The following HPD variants were observed in gnomAD, a reference collection of about 807,000 sequenced individuals.
The protein encoded by HPD is 4-hydroxyphenylpyruvic acid oxidase.
In HPD, 35 loss-of-function variants were observed where a neutral mutation model predicts 56.9. That is an observed-to-expected ratio of 0.62 (90% CI 0.47 to 0.82). HPD has a LOEUF of 0.82. Among genes scored for constraint, HPD ranks in the 40% least tolerant of loss-of-function variants. The probability of loss-of-function intolerance (pLI) is 0.00; values close to 1 mark genes in which losing one functional copy is unlikely to be tolerated. For missense variants in HPD, 442 were observed against 506.8 expected (o/e 0.87, Z 1.23); for synonymous variants, 186 against 200.2 (o/e 0.93, Z 0.60).
the HPD span, chr12:121,874,068 C>T: frequency 6.6e-6 from 1 of 152,262 alleles, no homozygotes; most frequent in African/African-American, 2.4e-5. Context: ...ATGACAGCTC[C>T]CTTATGACTT....
At chr12:121,846,804 A>C in intron 11 of HPD, 58 bp downstream of exon 11, 1 of 1,552,884 alleles carries the variant, frequency 6.4e-7, no homozygotes, top group Non-Finnish European at 8.9e-7. Context: ...TCAATTTTGC[A>C]GAGATCGTCC....
At chr12:121,853,187 C>T (rs920856456) in intron 7 of HPD, among the ~76,000 whole-genome samples, 3 of 151,676 alleles carry the variant, frequency 2.0e-5, no homozygotes, top group Admixed American at 6.6e-5. Context: ...TGGGGGAGGT[C>T]GGGGAGGGAG....
the HPD span, among the ~76,000 whole-genome samples, chr12:121,879,128 T>C: frequency 6.6e-6 from 1 of 151,830 alleles, no homozygotes. Flanking sequence ...CTACTAAAAA[T>C]ACAAAAATTA....
At chr12:121,879,354 A>G in the HPD span, among the ~76,000 whole-genome samples, 1 of 152,122 alleles carries the variant, frequency 6.6e-6, no homozygotes, top group East Asian at 1.9e-4. Context: ...GAAAATACAC[A>G]TAATTAAGAG....
At chr12:121,888,149 G>T in the HPD span, among the ~76,000 whole-genome samples, 3 of 152,132 alleles carry the variant, frequency 2.0e-5, no homozygotes, top group African/African-American at 7.2e-5. Flanking sequence ...CACTGTTACC[G>T]TTATTATTAT....
chr12:121,858,874 G>C (rs755963537), upstream of HPD: 1 of 1,611,490 alleles, frequency 6.2e-7, no homozygotes, highest in East Asian at 2.2e-5. Context: ...GGGGAGTGCT[G>C]GGCCGGAGTA....
intron 12 of HPD, among the ~76,000 whole-genome samples, chr12:121,842,741 C>CTTTTTTTTTTTTTTTT (rs34879391): frequency 1.3e-5 from 1 of 76,246 alleles, no homozygotes; most frequent in Non-Finnish European, 2.5e-5. Flanking sequence ...TAAAATGGAT[C>CTTTTTTTTTTTTTTTT]TTTTTTTTTT....
intron 12 of HPD, among the ~76,000 whole-genome samples, chr12:121,842,555 A>T (rs1877440658): frequency 6.6e-6 from 1 of 151,878 alleles, no homozygotes; most frequent in Non-Finnish European, 1.5e-5. Flanking sequence ...CCTCCCCAGT[A>T]GCTGGGACCA....
intron 7 of HPD, among the ~76,000 whole-genome samples, chr12:121,851,264 T>C (rs1877761764): frequency 6.6e-6 from 1 of 152,230 alleles, no homozygotes; most frequent in African/African-American, 2.4e-5. Context: ...TCCACCCACC[T>C]TGGCCTCCCA....
chr12:121,884,892 CTCTT>C, the HPD span, among the ~76,000 whole-genome samples: 5 of 151,958 alleles, frequency 3.3e-5, no homozygotes, highest in African/African-American at 7.2e-5. Flanking sequence ...AAATATATAT[CTCTT>C]TCTTTTTCTT....
At position 121,858,677 on chromosome 12, in the gene HPD, G is replaced by T. The variant is rs777361065; in HGVS notation, c.30+10C>A. 1.2e-6 allele frequency: 2 copies of T among 1,613,456 alleles called. No homozygotes were observed. Among genetic ancestry groups the T allele is most frequent in the African/African-American group, 1.3e-5 (1 of 74,832 alleles). On this transcript the variant is annotated intron_variant, in intron 2 of 13. Coordinates refer to ENST00000289004, the MANE Select transcript of HPD (RefSeq NM_002150.3). ...CAGGCCCCTACATTTCCCACATTTC[G>T]CCTGCTTACCTTTGCCCCTTTGTCA...
rs372672594 is a variant in HPD, at chr12:121,839,824, G to A, written c.1086C>T (p.Gly362=). ...QRHNHQGFGA[G]NFNSLFKAFE... is the part of the protein sequence containing the mutation. ...AAGCCTTGAACAGTGAGTTGAAGTTGCCGGCTCCAAAACCCTGTGGCGGGA... is the reference window on the plus strand; with the variant it reads ...AAGCCTTGAACAGTGAGTTGAAGTTACCGGCTCCAAAACCCTGTGGCGGGA... The change falls in exon 14 of 14, where the codon GGC becomes GGT. Residue 362 remains glycine (G), a synonymous_variant. Transcript: ENST00000289004. 6.2e-7 allele frequency: 1 copy of A among 1,614,138 alleles called. No homozygotes were observed. The highest frequency in any genetic ancestry group is 8.5e-7 in the Non-Finnish European group (1 of 1,179,966).
chr12:121,842,091 G>A (rs1877427286), intron 12 of HPD, among the ~76,000 whole-genome samples: 1 of 151,832 alleles, frequency 6.6e-6, no homozygotes, highest in Admixed American at 6.6e-5. Context: ...AACAGAGGGG[G>A]TTGGGAGGTG....
intron 7 of HPD, among the ~76,000 whole-genome samples, chr12:121,851,687 A>ATTATTTTTTTTTTTTT (rs1877778845): frequency 2.2e-5 from 2 of 92,400 alleles, no homozygotes; most frequent in African/African-American, 8.6e-5. Flanking sequence ...TTATTCATTT[A>ATTATTTTTTTTTTTTT]TTTATTTATT....
chr12:121,850,205 A>C (rs754108209), intron 7 of HPD, among the ~76,000 whole-genome samples: 72 of 152,048 alleles, frequency 4.7e-4, no homozygotes, highest in Admixed American at 9.2e-4. Context: ...GTGGATCATG[A>C]GGTCAGGAGA....
rs1300863302 is a variant in HPD at position 121,847,190 on chromosome 12, G to A, written c.621C>T (p.His207=). 6.2e-7 allele frequency: 1 copy of A among 1,614,176 alleles called. No individual in the cohort carries two copies. The highest frequency in any genetic ancestry group is 1.1e-5 in the South Asian group (1 of 91,086). The part of the protein sequence containing the change: ...SEWYLKNLQF[H]RFWSVDDTQV... ...GCGTGTCATCCACGGACCAGAAGCG[G>A]TGGAACTGCAGGTTTTTCAGGTACC... The change falls in exon 10 of 14, where the codon CAC becomes CAT. Residue 207 remains histidine (H), a synonymous_variant. Coordinates refer to ENST00000289004, the MANE Select transcript of HPD (RefSeq NM_002150.3).
Position 121,848,742 on chromosome 12 carries a change from A to C in HPD, c.596+257T>G, listed in dbSNP as rs574312734. Among the ~76,000 whole-genome samples the C allele has an allele frequency of 3.9e-5, 6 of 152,082 alleles. No homozygotes were observed. In the East Asian group the frequency reaches 1.2e-3, roughly 29 times the overall value. Reference sequence around the variant, plus strand: ...TGCCTCAGCCTCTTGAGTAACTGGAATTACAGGGGCCCAACACCTCGCCCA... The same window carrying C: ...TGCCTCAGCCTCTTGAGTAACTGGACTTACAGGGGCCCAACACCTCGCCCA... On this transcript the variant is annotated intron_variant, in intron 9 of 13. Coordinates refer to ENST00000289004, the MANE Select transcript of HPD (RefSeq NM_002150.3).
At chr12:121,886,268 C>T in the HPD span, among the ~76,000 whole-genome samples, 1 of 151,712 alleles carries the variant, frequency 6.6e-6, no homozygotes, top group African/African-American at 2.4e-5. Context: ...GCCACCATGC[C>T]CGGCTAAATT....
At chr12:121,872,784 G>A in the HPD span, among the ~76,000 whole-genome samples, 2 of 151,874 alleles carry the variant, frequency 1.3e-5, no homozygotes, top group Non-Finnish European at 2.9e-5. Flanking sequence ...TGGTGCTGCG[G>A]GGGCCAACCC....
Sources: allele counts gnomAD v4.1 joint callset (sites outside exome capture counted in the v4.1 genomes callset), GRCh38; gene constraint gnomAD v4.1.1; transcripts MANE v1.5; gene names NCBI Gene and HGNC (gene_info 2026-07-23, HGNC 2026-07-21).